Variants in DDX21 observed in about 807,000 individuals in gnomAD.
DDX21 encodes nucleolar RNA helicase 2.
In DDX21, 18 loss-of-function variants were observed where a neutral mutation model predicts 90.0. The observed-to-expected ratio is 0.20, with a 90% CI of 0.14 to 0.30. The LOEUF is 0.30. Among genes scored for constraint, DDX21 ranks in the 10% least tolerant of loss-of-function variants. DDX21 has a pLI of 1.00. For missense variants in DDX21, 673 were observed against 944.5 expected, an observed-to-expected ratio of 0.71 and a Z score of 3.77; for synonymous variants, 294 against 318.0, an observed-to-expected ratio of 0.92 and a Z score of 0.80.
intron 7 of DDX21, among the ~76,000 whole-genome samples, chr10:68,969,645 AATCT>A (rs879880474): frequency 5.9e-5 from 9 of 152,194 alleles, no homozygotes; most frequent in African/African-American, 7.2e-5. Flanking sequence ...TTGGAACTTA[AATCT>A]ATCTGAGTTA....
chr10:68,967,997 C>G (rs937663585), intron 6 of DDX21, among the ~76,000 whole-genome samples: 7 of 151,934 alleles, frequency 4.6e-5, no homozygotes, highest in African/African-American at 1.7e-4. Flanking sequence ...CAGGTTGAAG[C>G]AATCCTCCGA....
intron 9 of DDX21, among the ~76,000 whole-genome samples, chr10:68,973,273 G>A (rs899240104): frequency 6.6e-6 from 1 of 152,042 alleles, no homozygotes; most frequent in Non-Finnish European, 1.5e-5. Flanking sequence ...TCTGTCTACT[G>A]GAAGACTGAA....
At chr10:68,981,489 T>A (rs753373551) in intron 13 of DDX21, 48 bp from the exon 14 acceptor site, 6 of 1,564,110 alleles carry the variant, frequency 3.8e-6, no homozygotes, top group Non-Finnish European at 5.3e-6. Flanking sequence ...AAGGGAGTAT[T>A]TTTCATGTGC....
Position 68,970,342 on chromosome 10 carries a change from A to G in DDX21, c.1378A>G (p.Ile460Val), listed in dbSNP as rs757301001. The part of the protein sequence containing the change: ...EAQELSQNSA[I>V]KQDAQSLHGD... ...CCAGGAGCTGTCCCAGAATTCAGCT[A>G]TAAAGCAGGTTGGTCCTTCCCCTTA... The change falls in exon 8 of 15, where the codon ATA becomes GTA. Residue 460 changes from isoleucine (I) to valine (V), a missense_variant. Ile to Val is a conservative substitution (Grantham distance 29). Around this residue, in one of 4 missense-constraint regions of DDX21, gnomAD observed 218 missense variants for 347.3 expected, o/e 0.63. Transcript: ENST00000354185. The G allele has an allele frequency of 9.9e-6, 16 of 1,613,868 alleles. No homozygotes were observed. Among genetic ancestry groups the G allele is most frequent in the Non-Finnish European group, 1.3e-5 (15 of 1,179,854 alleles).
At chr10:68,972,775 A>G (rs1436715349) in intron 9 of DDX21, among the ~76,000 whole-genome samples, 1 of 152,234 alleles carries the variant, frequency 6.6e-6, no homozygotes, top group African/African-American at 2.4e-5. Flanking sequence ...CTGCAAGTGT[A>G]AAATACATAC....
chr10:68,959,386 C>G (rs181520559), intron 1 of DDX21, among the ~76,000 whole-genome samples: 1 of 152,020 alleles, frequency 6.6e-6, no homozygotes, highest in East Asian at 1.9e-4. Context: ...CCCAGGTACT[C>G]GGGAGGCTGA....
chr10:68,973,920 T>C (rs1478509209), intron 10 of DDX21, among the ~76,000 whole-genome samples: 1 of 152,130 alleles, frequency 6.6e-6, no homozygotes, highest in Non-Finnish European at 1.5e-5. Context: ...CAGAGATAAT[T>C]AAGATTGAGG....
At position 68,956,239 on chromosome 10, in the gene DDX21, T is replaced by C. The variant is rs774906744; in HGVS notation, c.14T>C (p.Leu5Pro). ...CCTGCGCTGAAGATGCCGGGAAAAC[T>C]CCGTAGTGACGCTGGTTTGGAATCA... is the stretch of plus-strand genomic sequence containing the variant. MPGK[L>P]RSDAGLESDT... is the part of the protein sequence containing the mutation. The change falls in exon 1 of 15, where the codon CTC becomes CCC. Residue 5 changes from leucine (L) to proline (P), a missense_variant. Physicochemically the swap from Leu to Pro is moderately conservative, Grantham distance 98. This residue lies in a region of DDX21 where 204 missense variants were observed against 221.6 expected (regional missense o/e 0.92). Coordinates refer to ENST00000354185, the MANE Select transcript of DDX21 (RefSeq NM_004728.4). 1.9e-6 allele frequency: 3 copies of C among 1,613,900 alleles called. No individual in the cohort carries two copies. In the Admixed American group the frequency reaches 5.0e-5, roughly 27 times the overall value.
chr10:68,965,516 G>A, intron 5 of DDX21, 22 bp downstream of exon 5: 2 of 1,573,330 alleles, frequency 1.3e-6, no homozygotes, highest in South Asian at 2.2e-5. Flanking sequence ...CAAAAAGTGA[G>A]GGAGGTATAA....
intron 1 of DDX21, among the ~76,000 whole-genome samples, chr10:68,958,730 C>T (rs1046818749): frequency 1.3e-5 from 2 of 152,174 alleles, no homozygotes; most frequent in East Asian, 1.9e-4. Context: ...AGCCACCGCG[C>T]CCAGCCTAAA....
intron 2 of DDX21, 39 bp from the exon 3 acceptor site, chr10:68,962,043 G>T (rs765485903): frequency 2.7e-6 from 4 of 1,472,220 alleles, no homozygotes; most frequent in Non-Finnish European, 3.8e-6. Flanking sequence ...ATTTGTGTAG[G>T]TGATTATTGA....
intron 10 of DDX21, 123 bp from the exon 11 acceptor site, chr10:68,974,547 T>G: frequency 1.4e-6 from 1 of 728,346 alleles, no homozygotes; most frequent in Non-Finnish European, 2.3e-6. Flanking sequence ...AGTCTAAAAT[T>G]AAAAGTTCAT....
intron 8 of DDX21, among the ~76,000 whole-genome samples, chr10:68,970,828 T>G (rs1449263463): frequency 1.3e-5 from 2 of 152,044 alleles, no homozygotes; most frequent in Non-Finnish European, 2.9e-5. Flanking sequence ...AATTTTTGTA[T>G]TTTTAGTAGA....
Position 68,970,282 on chromosome 10 carries a change from C to T in DDX21, c.1318C>T (p.Arg440Cys), listed in dbSNP as rs766854373. The change falls in exon 8 of 15, where the codon CGC (arginine) becomes TGC (cysteine). Residue 440 changes from arginine to cysteine, a missense_variant. Physicochemically the swap from Arg to Cys is radical, Grantham distance 180. Coordinates refer to ENST00000354185, the MANE Select transcript of DDX21 (RefSeq NM_004728.4). ...CCGAGTATATAGTGGTCATCAAGGACGCACTATCATCTTTTGTGAAACCAA... is the reference window on the plus strand; with the variant it reads ...CCGAGTATATAGTGGTCATCAAGGATGCACTATCATCTTTTGTGAAACCAA... The part of the protein sequence containing the change: ...VIRVYSGHQG[R>C]TIIFCETKKE... The T allele has an allele frequency of 5.6e-6, 9 of 1,613,874 alleles. No homozygotes were observed. The highest frequency in any genetic ancestry group is 3.3e-5 in the Admixed American group (2 of 59,968).
chr10:68,978,779 G>A (rs1311837679), intron 12 of DDX21, 63 bp from the exon 13 acceptor site: 1 of 1,550,628 alleles, frequency 6.4e-7, no homozygotes, highest in African/African-American at 1.4e-5. Flanking sequence ...CACAAAAGCA[G>A]GTATTTATCA....
chr10:68,957,541 A>C (rs569229507), intron 1 of DDX21, among the ~76,000 whole-genome samples: 1 of 152,312 alleles, frequency 6.6e-6, no homozygotes, highest in African/African-American at 2.4e-5. Flanking sequence ...AATTGTAGGA[A>C]GCCGCGGCAG....
chr10:68,967,022 A>T lies in DDX21; in HGVS notation c.909A>T (p.Glu303Asp). ...TCTTGTCATTGTTTTTTATAGTTGA[A>T]CGCATGAGGAATGGGATTGATATCC... ...YGGTPYGGQF[E>D]RMRNGIDILV... is the part of the protein sequence containing the mutation. The change falls in exon 6 of 15, where the codon GAA becomes GAT. Residue 303 changes from glutamate (E) to aspartate (D), a missense_variant. By Grantham distance (45) the Glu-to-Asp change is conservative. Transcript: ENST00000354185. The T allele has an allele frequency of 6.2e-7, 1 of 1,606,860 alleles. No homozygotes were observed. The highest frequency in any genetic ancestry group is 8.5e-7 in the Non-Finnish European group (1 of 1,176,156).
rs1454913666 is a variant in DDX21 at position 68,967,106 on chromosome 10, C to T, written c.993C>T (p.Thr331=). The T allele has an allele frequency of 1.2e-6, 2 of 1,611,638 alleles. No individual in the cohort carries two copies. The highest frequency in any genetic ancestry group is 1.7e-6 in the Non-Finnish European group (2 of 1,179,276). The part of the protein sequence containing the change: ...DHIQNGKLDL[T]KLKHVVLDEV... ...TACAGAATGGCAAACTAGATCTCACCAAACTTAAGCATGTTGTCCTGGATG... is the reference window on the plus strand; with the variant it reads ...TACAGAATGGCAAACTAGATCTCACTAAACTTAAGCATGTTGTCCTGGATG... The change falls in exon 6 of 15, where the codon ACC becomes ACT. Residue 331 remains threonine (T), a synonymous_variant. Coordinates refer to ENST00000354185, the MANE Select transcript of DDX21 (RefSeq NM_004728.4).
chr10:68,967,643 G>A (rs1314623354), intron 6 of DDX21, among the ~76,000 whole-genome samples: 1 of 152,064 alleles, frequency 6.6e-6, no homozygotes, highest in Admixed American at 6.6e-5. Context: ...ACTTGGAAAA[G>A]TAAAGAAAAA....
Sources: gnomAD v4.1 joint callset for allele counts (sites outside exome capture counted in the v4.1 genomes callset) on GRCh38, gnomAD v4.1.1 for gene constraint, gnomAD v4.1.1 regional missense constraint, MANE v1.5 for transcripts, NCBI Gene and HGNC (gene_info 2026-07-23, HGNC 2026-07-21) for gene names.